The following KRT20 variants were observed in gnomAD, a reference collection of about 807,000 sequenced individuals.
KRT20 encodes keratin, type I cytoskeletal 20.
KRT20 carries 41 observed loss-of-function variants against 43.0 expected under a neutral mutation model. The ratio of observed to expected loss-of-function variants is 0.95; its 90% CI spans 0.74 to 1.24. KRT20 has a LOEUF of 1.24. Ranked by LOEUF, KRT20 falls within the 50% of genes most tolerant of loss-of-function variation. The pLI is 0.00. For synonymous variants in KRT20, 207 were observed against 200.6 expected (o/e 1.03, Z -0.27); for missense variants, 533 against 521.2 (o/e 1.02, Z -0.22).
In KRT20 at chr17:40,878,360, C is replaced by T. The variant is rs758719730; in HGVS notation, c.924G>A (p.Glu308=). The part of the protein sequence containing the change: ...IELQSHLSMK[E]SLEHTLEETK... ...TCTCCTCTAGAGTGTGCTCCAAAGA[C>T]TCTTTCTATGAGCACAAGAAAAATA... Residue 308 remains glutamate, a synonymous_variant, in exon 6 of 8, where the codon GAG becomes GAA. Transcript: ENST00000167588. The T allele has an allele frequency of 6.2e-7, 1 of 1,612,670 alleles. No homozygotes were observed. Among genetic ancestry groups the T allele is most frequent in the Non-Finnish European group, 8.5e-7 (1 of 1,178,828 alleles).
chr17:40,884,683 C>T (rs1328085070), intron 1 of KRT20, 113 bp downstream of exon 1: 18 of 1,210,226 alleles, frequency 1.5e-5, no homozygotes, highest in Non-Finnish European at 1.7e-5. Flanking sequence ...ATAGATGTAA[C>T]ATTTTAGCCT....
intron 3 of KRT20, 57 bp downstream of exon 3, chr17:40,880,557 T>G: frequency 6.9e-7 from 1 of 1,445,912 alleles, no homozygotes; most frequent in South Asian, 1.2e-5. Context: ...CTCCTATTAT[T>G]AGTATTATAT....
Position 40,885,018 on chromosome 17 carries a change from C to T in KRT20, c.168G>A (p.Gly56=), listed in dbSNP as rs1567759152. The change falls in exon 1 of 8, where the codon GGG becomes GGA. Residue 56 remains glycine, a synonymous_variant. Transcript: ENST00000167588. ...GGTCCCCGCCGCCTGTGAGATCGCT[C>T]CCATAGTTCACCGTGTGTCTGGAGT... is the stretch of plus-strand genomic sequence containing the variant. ...ISNSRHTVNY[G]SDLTGGGDLF... 6.2e-7 allele frequency: 1 copy of T among 1,614,206 alleles called. No individual in the cohort carries two copies. The highest frequency in any genetic ancestry group is 1.3e-5 in the African/African-American group (1 of 75,034).
chr17:40,882,089 A>G (rs1907625403), intron 2 of KRT20, among the ~76,000 whole-genome samples: 1 of 152,176 alleles, frequency 6.6e-6, no homozygotes, highest in African/African-American at 2.4e-5. Context: ...ATCCTGTAAA[A>G]CACTGGCAAG....
At chr17:40,877,480 A>G in intron 6 of KRT20, 63 bp from the exon 7 acceptor site, 2 of 980,202 alleles carry the variant, frequency 2.0e-6, no homozygotes, top group Non-Finnish European at 1.5e-6. Context: ...TGCTGTTTTG[A>G]AAATGGAATG....
chr17:40,876,505 G>A (rs755839705), intron 7 of KRT20, 47 bp from the exon 8 acceptor site: 1 of 1,108,626 alleles, frequency 9.0e-7, no homozygotes, highest in Non-Finnish European at 1.4e-6. Flanking sequence ...ACATGACTCT[G>A]CTGATTTATA....
rs770043034 is a variant in KRT20, at chr17:40,877,381, T to G, written c.1176A>C (p.Arg392Ser). The G allele has an allele frequency of 1.7e-5, 26 of 1,531,710 alleles. No individual in the cohort carries two copies. In the Admixed American group the frequency reaches 6.2e-4, roughly 37 times the overall value. The allele number at this position is 1,531,710 out of a possible 1,614,324, so 94.9% of individuals were successfully genotyped here. ...AATGTGCAAAAATTTAGAACTTACCTCTCTCTTCCAGGGTGCTTAACTGAT... is the reference window on the plus strand; with the variant it reads ...AATGTGCAAAAATTTAGAACTTACCGCTCTCTTCCAGGGTGCTTAACTGAT... ...TEYQLSTLEE[R>S]DIKKTRKIKT... Residue 392 changes from arginine (R) to serine (S), a missense_variant and splice_region_variant, in exon 7 of 8, where the codon AGA becomes AGC. Physicochemically the swap from Arg to Ser is moderately radical, Grantham distance 110. Transcript: ENST00000167588.
intron 1 of KRT20, among the ~76,000 whole-genome samples, chr17:40,884,437 G>C (rs1464117616): frequency 6.6e-6 from 1 of 152,126 alleles, no homozygotes; most frequent in Non-Finnish European, 1.5e-5. Context: ...ATAAGGACTA[G>C]GTGAAAAACT....
intron 1 of KRT20, 61 bp from the exon 2 acceptor site, chr17:40,882,715 T>TTATG (rs1907655075): frequency 1.6e-6 from 1 of 640,854 alleles, no homozygotes; most frequent in Non-Finnish European, 2.1e-6. Context: ...ATTTATTTAT[T>TTATG]TATTTATTTA....
intron 5 of KRT20, 119 bp downstream of exon 5, chr17:40,879,694 C>T: frequency 8.8e-7 from 1 of 1,135,966 alleles, no homozygotes; most frequent in Non-Finnish European, 1.3e-6. Context: ...GCCTGTTTCC[C>T]TGCCAGTTCT....
Position 40,880,177 on chromosome 17 carries a change from T to G in KRT20, c.715A>C (p.Met239Leu). ...AAPGLNLGVI[M>L]NEMRQKYEVM... is the part of the protein sequence containing the mutation. ...TCATACTTCTGCCTCATTTCATTCA[T>G]GATGACGCCAAGGTTCAGGCCTGGA... The change falls in exon 4 of 8, where the codon ATG becomes CTG. Residue 239 changes from methionine to leucine, a missense_variant. Met to Leu is a conservative substitution (Grantham distance 15). Coordinates refer to ENST00000167588, the MANE Select transcript of KRT20 (RefSeq NM_019010.3). 1 of 1,614,204 alleles carries G rather than the reference T, an allele frequency of 6.2e-7. No homozygotes were observed. The highest frequency in any genetic ancestry group is 1.3e-5 in the African/African-American group (1 of 75,054).
intron 1 of KRT20, among the ~76,000 whole-genome samples, chr17:40,884,174 C>T (rs1907711972): frequency 6.6e-6 from 1 of 152,022 alleles, no homozygotes; most frequent in Non-Finnish European, 1.5e-5. Context: ...TTGTAATAAA[C>T]ATGAATTGGG....
rs200807799 is a variant in KRT20, at chr17:40,881,415, A to AT, written c.474-646dup. Among the ~76,000 whole-genome samples, 16 of 151,804 alleles carry AT rather than the reference A, an allele frequency of 1.1e-4. No homozygotes were observed. In the South Asian group the frequency reaches 1.7e-3, roughly 16 times the overall value. ...AGATGTATGCCACCATGCCCAGCTA[A>AT]TTTTTTTTGTATTTTTGTATAGAGA... On this transcript the variant is annotated intron_variant, in intron 2 of 7. Transcript: ENST00000167588.
chr17:40,879,758 G>T lies in KRT20; in HGVS notation c.918+55C>A, dbSNP rs934862089. On this transcript the variant is annotated intron_variant, in intron 5 of 7. Transcript: ENST00000167588. Reference sequence around the variant, plus strand: ...CTTTGCATTTCTATAGTTCCTAACAGAGGACCTTGGTAAACACATACTAGA... The same window carrying T: ...CTTTGCATTTCTATAGTTCCTAACATAGGACCTTGGTAAACACATACTAGA... 16 of 1,600,138 alleles carry T rather than the reference G, an allele frequency of 1.0e-5. No homozygotes were observed. In the Admixed American group the frequency reaches 2.7e-4, roughly 27 times the overall value.
chr17:40,884,777 C>G lies in KRT20; in HGVS notation c.390+19G>C. On this transcript the variant is annotated intron_variant, in intron 1 of 7. Coordinates refer to ENST00000167588, the MANE Select transcript of KRT20 (RefSeq NM_019010.3). The stretch of plus-strand genomic sequence containing the variant: ...TTGAAGCTAAACACAGAGTAGGAAA[C>G]ACAAGCATCATCTCTCACCTGACTT... 6.2e-7 allele frequency: 1 copy of G among 1,600,704 alleles called. No homozygotes were observed. The highest frequency in any genetic ancestry group is 8.5e-7 in the Non-Finnish European group (1 of 1,171,866).
rs1456949680 is a variant in KRT20 at position 40,884,857 on chromosome 17, G to T, written c.329C>A (p.Ala110Asp). 1.9e-6 allele frequency: 3 copies of T among 1,614,206 alleles called. No homozygotes were observed. The highest frequency in any genetic ancestry group is 2.7e-5 in the African/African-American group (2 of 75,036). ...VQIKQWYETN[A>D]PRAGRDYSAY... ...ACTGTAGTCGCGACCAGCCCTCGGG[G>T]CGTTGGTTTCGTACCACTGCTTGAT... is the stretch of plus-strand genomic sequence containing the variant. The change falls in exon 1 of 8, where the codon GCC (alanine) becomes GAC (aspartate). Residue 110 changes from alanine (A) to aspartate (D), a missense_variant. Ala to Asp is a moderately radical substitution (Grantham distance 126). Transcript: ENST00000167588.
rs370802089 is a variant in KRT20, at chr17:40,878,129, A to G, written c.1139+16T>C. 3 of 1,604,156 alleles carry G rather than the reference A, an allele frequency of 1.9e-6. No individual in the cohort carries two copies. The highest frequency in any genetic ancestry group is 2.2e-5 in the South Asian group (2 of 90,816). ...TACAGATATTGACACCTATTCCTTG[A>G]TTCTAAGAGCCTTACTTTACGTCTT... On this transcript the variant is annotated intron_variant, in intron 6 of 7. Transcript: ENST00000167588.
Position 40,884,871 on chromosome 17 carries a change from C to T in KRT20, c.315G>A (p.Trp105Ter). Residue 105 changes from tryptophan to a stop codon, truncating the protein, a stop_gained, in exon 1 of 8, where the codon TGG becomes TGA. Coordinates refer to ENST00000167588, the MANE Select transcript of KRT20 (RefSeq NM_019010.3). LOFTEE classifies it high-confidence loss of function. Reference protein sequence around the residue: ...NSKLEVQIKQWYETNAPRAGR... With the variant: ...NSKLEVQIKQ ...CAGCCCTCGGGGCGTTGGTTTCGTA[C>T]CACTGCTTGATTTGCACTTCAAGTT... 6.2e-7 allele frequency: 1 copy of T among 1,614,222 alleles called. No individual in the cohort carries two copies. Among genetic ancestry groups the T allele is most frequent in the South Asian group, 1.1e-5 (1 of 91,086 alleles).
Position 40,884,979 on chromosome 17 carries a change from A to G in KRT20, c.207T>C (p.Asn69=). 6.2e-7 allele frequency: 1 copy of G among 1,614,122 alleles called. No homozygotes were observed. Among genetic ancestry groups the G allele is most frequent in the Admixed American group, 1.7e-5 (1 of 60,010 alleles). The change falls in exon 1 of 8, where the codon AAT becomes AAC. Residue 69 remains asparagine, a synonymous_variant. Transcript: ENST00000167588. ...TTAGGTTCTGCATGGCCATTTTCTC[A>G]TTGCCAACAAACAGGTCCCCGCCGC... ...LTGGGDLFVG[N]EKMAMQNLND...
Sources: gnomAD v4.1 joint callset for allele counts (sites outside exome capture counted in the v4.1 genomes callset) on GRCh38, gnomAD v4.1.1 for gene constraint, MANE v1.5 for transcripts, NCBI Gene and HGNC (gene_info 2026-07-23, HGNC 2026-07-21) for gene names.